PTPRD: variants seen among roughly 807,000 people sequenced by gnomAD.
PTPRD encodes the protein receptor-type tyrosine-protein phosphatase delta.
Under a neutral mutation model 214.5 loss-of-function variants are expected in PTPRD, and 34 were observed. The observed-to-expected ratio is 0.16, with a 90% CI of 0.12 to 0.21. PTPRD has a LOEUF of 0.21. Among genes scored for constraint, PTPRD ranks in the 10% least tolerant of loss-of-function variants. The probability of loss-of-function intolerance (pLI) is 1.00; values close to 1 mark genes in which losing one functional copy is unlikely to be tolerated. For synonymous variants in PTPRD, 1,128 were observed against 845.7 expected (o/e 1.33, Z -5.79); for missense variants, 2,545 against 2,398.7 (o/e 1.06, Z -1.27).
intron 8 of PTPRD, among the ~76,000 whole-genome samples, chr9:9,426,699 G>C (rs143877194): frequency 5.9e-4 from 90 of 152,258 alleles, no homozygotes; most frequent in African/African-American, 2.1e-3. Context: ...GTGCCCCTCT[G>C]AGACGAGGCT....
chr9:9,385,792 C>T (rs1321644077), intron 9 of PTPRD, among the ~76,000 whole-genome samples: 2 of 152,152 alleles, frequency 1.3e-5, no homozygotes, highest in African/African-American at 4.8e-5. Flanking sequence ...TTAAATTCCG[C>T]TTTCCATTTG....
chr9:9,240,007 G>A (rs759056206), intron 9 of PTPRD, among the ~76,000 whole-genome samples: 1 of 151,998 alleles, frequency 6.6e-6, no homozygotes, highest in Non-Finnish European at 1.5e-5. Context: ...ACACAGATTT[G>A]GATTGGTTTC....
intron 9 of PTPRD, among the ~76,000 whole-genome samples, chr9:9,395,529 T>A (rs938254376): frequency 1.3e-5 from 2 of 152,090 alleles, no homozygotes; most frequent in African/African-American, 4.8e-5. Context: ...AAACTTCTAC[T>A]TCCATGGCCT....
intron 2 of PTPRD, among the ~76,000 whole-genome samples, chr9:10,552,158 T>C (rs1184386663): frequency 6.6e-6 from 1 of 152,204 alleles, no homozygotes; most frequent in African/African-American, 2.4e-5. Flanking sequence ...CTATTCACAC[T>C]GTTAATGGAG....
chr9:8,799,553 T>C (rs541911433), intron 11 of PTPRD, among the ~76,000 whole-genome samples: 8 of 152,324 alleles, frequency 5.3e-5, no homozygotes, highest in African/African-American at 1.7e-4. Context: ...ATTCCTAGTA[T>C]CTGTAAAGTA....
intron 2 of PTPRD, among the ~76,000 whole-genome samples, chr9:10,502,516 G>A (rs571706478): frequency 2.0e-5 from 3 of 151,988 alleles, no homozygotes; most frequent in African/African-American, 7.2e-5. Context: ...CCAACTATTT[G>A]ATTAAAGGTC....
At chr9:10,070,140 C>T (rs148548587) in intron 3 of PTPRD, among the ~76,000 whole-genome samples, 2 of 151,986 alleles carry the variant, frequency 1.3e-5, no homozygotes, top group South Asian at 4.1e-4. Context: ...AATATATGGG[C>T]CAGTTGGGCA....
chr9:9,221,297 G>C (rs4132505), intron 9 of PTPRD, among the ~76,000 whole-genome samples: 117,674 of 152,044 alleles, frequency 0.77, 45,853 homozygotes, highest in Non-Finnish European at 0.81. Context: ...GGAGCAACAG[G>C]AGAAAACTTG....
intron 14 of PTPRD, among the ~76,000 whole-genome samples, chr9:8,614,236 C>G (rs1021293803): frequency 1.6e-4 from 24 of 152,110 alleles, no homozygotes; most frequent in African/African-American, 5.6e-4. Flanking sequence ...TTTGTAACCT[C>G]CAAGTCAATA....
At chr9:9,842,778 A>C (rs1415406083) in intron 5 of PTPRD, among the ~76,000 whole-genome samples, 1 of 151,798 alleles carries the variant, frequency 6.6e-6, no homozygotes, top group Non-Finnish European at 1.5e-5. Context: ...CACACAGTCC[A>C]CATGATGTGG....
intron 3 of PTPRD, among the ~76,000 whole-genome samples, chr9:10,116,094 C>T (rs548315545): frequency 6.9e-4 from 105 of 152,120 alleles, no homozygotes; most frequent in South Asian, 2.5e-3. Flanking sequence ...GCTTAACAAG[C>T]GGGAGTAAAG....
chr9:8,953,173 A>C (rs1370402145), intron 11 of PTPRD, among the ~76,000 whole-genome samples: 1 of 151,978 alleles, frequency 6.6e-6, no homozygotes, highest in African/African-American at 2.4e-5. Context: ...CCTGTGGCAC[A>C]TTTGTGCAAA....
intron 8 of PTPRD, among the ~76,000 whole-genome samples, chr9:9,476,720 G>A (rs762586440): frequency 1.3e-5 from 2 of 151,992 alleles, no homozygotes; most frequent in East Asian, 3.9e-4. Flanking sequence ...AATAAACAAA[G>A]CACTGATTTT....
At chr9:9,006,641 G>T (rs1483428316) in intron 11 of PTPRD, among the ~76,000 whole-genome samples, 3 of 151,924 alleles carry the variant, frequency 2.0e-5, no homozygotes, top group African/African-American at 4.8e-5. Context: ...GTAAGCATCT[G>T]CCTGCTGGTC....
chr9:8,706,620 T>A (rs1300279165), intron 12 of PTPRD, among the ~76,000 whole-genome samples: 1 of 152,178 alleles, frequency 6.6e-6, no homozygotes, highest in Non-Finnish European at 1.5e-5. Context: ...AAAGCGCTCA[T>A]CTCAGGAGCA....
At chr9:9,802,586 G>C (rs2099048011) in intron 5 of PTPRD, among the ~76,000 whole-genome samples, 1 of 151,718 alleles carries the variant, frequency 6.6e-6, no homozygotes, top group South Asian at 2.1e-4. Context: ...GAAACTTTTT[G>C]TGGGAAAGCT....
At chr9:9,189,724 A>G (rs1419899951) in intron 9 of PTPRD, among the ~76,000 whole-genome samples, 1 of 152,064 alleles carries the variant, frequency 6.6e-6, no homozygotes, top group African/African-American at 2.4e-5. Flanking sequence ...AATGGTAAAT[A>G]TTTTTGAAAT....
At chr9:8,609,234 C>T (rs770405047) in intron 14 of PTPRD, among the ~76,000 whole-genome samples, 1 of 152,162 alleles carries the variant, frequency 6.6e-6, no homozygotes, top group Non-Finnish European at 1.5e-5. Context: ...TTCACATATG[C>T]TTGGCTGCAT....
intron 12 of PTPRD, among the ~76,000 whole-genome samples, chr9:8,671,210 G>GA (rs1391893222): frequency 5.3e-5 from 8 of 152,092 alleles, no homozygotes; most frequent in African/African-American, 1.9e-4. Context: ...TAATTTTGCA[G>GA]AAAAATGATG....
Sources: allele counts gnomAD v4.1 joint callset (sites outside exome capture counted in the v4.1 genomes callset), GRCh38; gene constraint gnomAD v4.1.1; transcripts MANE v1.5; gene names NCBI Gene and HGNC (gene_info 2026-07-23, HGNC 2026-07-21).